Variants in TMTC4 observed in about 807,000 individuals in gnomAD.
TMTC4 encodes the protein transmembrane O-mannosyltransferase targeting cadherins 4.
Under a neutral mutation model 86.0 loss-of-function variants are expected in TMTC4, and 65 were observed. The ratio of observed to expected loss-of-function variants is 0.76; its 90% CI spans 0.62 to 0.93. The LOEUF (loss-of-function observed/expected upper bound fraction) is 0.93, where lower values mean the gene tolerates loss of function less well. TMTC4 is among the 40% of genes least tolerant of loss of function. The pLI is 0.00. For synonymous variants in TMTC4, 379 were observed against 382.5 expected (o/e 0.99, Z 0.11); for missense variants, 866 against 948.1 (o/e 0.91, Z 1.14).
At chr13:100,638,060 C>T (rs763622016) in intron 7 of TMTC4, 38 bp from the exon 8 acceptor site, 2 of 1,567,256 alleles carry the variant, frequency 1.3e-6, no homozygotes, top group Non-Finnish European at 1.8e-6. Flanking sequence ...CACGGGAGAG[C>T]TTGGCTGTGT....
chr13:100,608,304 C>T (rs992456302), intron 17 of TMTC4, among the ~76,000 whole-genome samples: 2 of 152,162 alleles, frequency 1.3e-5, no homozygotes, highest in Non-Finnish European at 2.9e-5. Flanking sequence ...GTTAGAGGGC[C>T]ACTGCTGTCA....
intron 5 of TMTC4, among the ~76,000 whole-genome samples, chr13:100,659,252 CTTTT>C (rs1242948691): frequency 6.6e-6 from 1 of 152,148 alleles, no homozygotes; most frequent in Non-Finnish European, 1.5e-5. Context: ...AGACAGAACT[CTTTT>C]TAAACATTTT....
intron 2 of TMTC4, 104 bp downstream of exon 2, chr13:100,670,256 C>G: frequency 7.4e-7 from 1 of 1,343,846 alleles, no homozygotes; most frequent in Non-Finnish European, 1.0e-6. Context: ...ATTATGGAAT[C>G]AATAAGAAGC....
chr13:100,641,590 C>T (rs34615072), intron 7 of TMTC4, among the ~76,000 whole-genome samples: 2 of 152,068 alleles, frequency 1.3e-5, no homozygotes, highest in African/African-American at 2.4e-5. Flanking sequence ...TGGGTTCAAG[C>T]GATTCACCTG....
intron 16 of TMTC4, among the ~76,000 whole-genome samples, chr13:100,612,967 A>G (rs1877880919): frequency 6.6e-6 from 1 of 152,194 alleles, no homozygotes; most frequent in Non-Finnish European, 1.5e-5. Context: ...CATCATTAAC[A>G]TATTTTTACT....
At chr13:100,674,037 C>G (rs892612416) in intron 1 of TMTC4, 1 of 985,254 alleles carries the variant, frequency 1.0e-6, no homozygotes, top group Admixed American at 6.1e-5. Flanking sequence ...AAAACACACA[C>G]GCAGCCCATA....
At chr13:100,658,617 G>T (rs1240598616) in intron 5 of TMTC4, among the ~76,000 whole-genome samples, 1 of 152,126 alleles carries the variant, frequency 6.6e-6, no homozygotes, top group Non-Finnish European at 1.5e-5. Flanking sequence ...ACTAGGCCTA[G>T]AGGCCAGGAG....
intron 1 of TMTC4, 128 bp from the exon 2 acceptor site, chr13:100,670,697 C>T (rs1386266154): frequency 1.1e-4 from 29 of 264,190 alleles, no homozygotes; most frequent in Middle Eastern, 1.0e-3. Context: ...GCCTGTAATC[C>T]CAGCACTTTG....
Position 100,604,860 on chromosome 13 carries a change from G to T in TMTC4, c.*134C>A. 1 of 1,005,078 alleles carries T rather than the reference G, an allele frequency of 9.9e-7. No homozygotes were observed. The highest frequency in any genetic ancestry group is 1.4e-6 in the Non-Finnish European group (1 of 730,710). 62.3% of individuals were successfully genotyped at this position (1,005,078 alleles called of 1,614,324 possible). ...TGCTGGTGCTATAATCTTTTTGCATGTCTTTGTTTTCATAGAAAAAAATCA... is the reference window on the plus strand; with the variant it reads ...TGCTGGTGCTATAATCTTTTTGCATTTCTTTGTTTTCATAGAAAAAAATCA... On this transcript the variant is annotated 3_prime_UTR_variant, in exon 19 of 19. Coordinates refer to ENST00000342624, the MANE Select transcript of TMTC4 (RefSeq NM_032813.5).
chr13:100,606,039 T>C (rs571192285), intron 18 of TMTC4, among the ~76,000 whole-genome samples: 1 of 152,214 alleles, frequency 6.6e-6, no homozygotes, highest in Non-Finnish European at 1.5e-5. Context: ...ATTAATTTAC[T>C]AGGAGAACTC....
At chr13:100,612,290 G>T in intron 17 of TMTC4, 108 bp downstream of exon 17, 1 of 834,376 alleles carries the variant, frequency 1.2e-6, no homozygotes, top group Non-Finnish European at 1.9e-6. Context: ...GTGCACCACT[G>T]CCACTGTTTT....
intron 6 of TMTC4, among the ~76,000 whole-genome samples, chr13:100,654,102 A>G (rs1389660670): frequency 6.6e-6 from 1 of 152,236 alleles, no homozygotes; most frequent in Admixed American, 6.5e-5. Context: ...AGAGGTCAAC[A>G]GAAAGCATTC....
intron 15 of TMTC4, among the ~76,000 whole-genome samples, chr13:100,615,644 G>T (rs2138732931): frequency 1.3e-5 from 2 of 150,938 alleles, no homozygotes; most frequent in Middle Eastern, 7.1e-3. Flanking sequence ...GTAGAGATGG[G>T]GTTTCACGAT....
Position 100,636,706 on chromosome 13 carries a change from A to G in TMTC4, c.1028T>C (p.Leu343Ser), listed in dbSNP as rs111362196. The change falls in exon 10 of 19, where the codon TTG becomes TCG. Residue 343 changes from leucine to serine, a missense_variant. Physicochemically the swap from Leu to Ser is moderately radical, Grantham distance 145. Coordinates refer to ENST00000342624, the MANE Select transcript of TMTC4 (RefSeq NM_032813.5). ...RAVNYNYYYS[L>S]NAWLLLCPWW... ...GGGACACAGCAGCAGCCAGGCATTCAATGAATAGTAGTAATTGTAGTTTAC... is the reference window on the plus strand; with the variant it reads ...GGGACACAGCAGCAGCCAGGCATTCGATGAATAGTAGTAATTGTAGTTTAC... 2 of 1,614,192 alleles carry G rather than the reference A, an allele frequency of 1.2e-6. No individual in the cohort carries two copies. The highest frequency in any genetic ancestry group is 2.2e-5 in the East Asian group (1 of 44,876).
intron 6 of TMTC4, among the ~76,000 whole-genome samples, chr13:100,649,067 T>C (rs1301688896): frequency 6.6e-6 from 1 of 152,204 alleles, no homozygotes; most frequent in Non-Finnish European, 1.5e-5. Flanking sequence ...ACTGGAAAGC[T>C]TAATTTAATA....
chr13:100,658,825 G>T (rs1400897924), intron 5 of TMTC4, among the ~76,000 whole-genome samples: 1 of 152,188 alleles, frequency 6.6e-6, no homozygotes, highest in Non-Finnish European at 1.5e-5. Flanking sequence ...TAAAGTATGG[G>T]AAGTGTTTTA....
intron 1 of TMTC4, 90 bp from the exon 2 acceptor site, chr13:100,670,659 C>T (rs1371056080): frequency 8.3e-6 from 3 of 362,972 alleles, no homozygotes; most frequent in Non-Finnish European, 1.5e-5. Context: ...TAAAAAACAA[C>T]AAATCAAGGC....
At chr13:100,628,802 T>C (rs184542337) in intron 12 of TMTC4, among the ~76,000 whole-genome samples, 2 of 152,216 alleles carry the variant, frequency 1.3e-5, no homozygotes, top group Admixed American at 1.3e-4. Context: ...AAGTGGGGAC[T>C]TGAACTAAGC....
In TMTC4 at chr13:100,635,039, T is replaced by G; in HGVS notation, c.1359A>C (p.Lys453Asn). 6.2e-7 allele frequency: 1 copy of G among 1,612,244 alleles called. No individual in the cohort carries two copies. Among genetic ancestry groups the G allele is most frequent in the South Asian group, 1.1e-5 (1 of 90,786 alleles). Residue 453 changes from lysine to asparagine, a missense_variant, in exon 11 of 19, where the codon AAA (lysine) becomes AAC (asparagine). Physicochemically the swap from Lys to Asn is moderately conservative, Grantham distance 94. Transcript: ENST00000342624. Reference protein sequence around the residue: ...LLTFGFGALSKHTKKKKLIAA... With the variant: ...LLTFGFGALSNHTKKKKLIAA... ...CAGTTGATACCTTTTTCTTGGTATGTTTGCTCAGGGCTCCGAATCCAAAAG... is the reference window on the plus strand; with the variant it reads ...CAGTTGATACCTTTTTCTTGGTATGGTTGCTCAGGGCTCCGAATCCAAAAG...
Sources: allele counts gnomAD v4.1 joint callset (sites outside exome capture counted in the v4.1 genomes callset), GRCh38; gene constraint gnomAD v4.1.1; transcripts MANE v1.5; gene names NCBI Gene and HGNC (gene_info 2026-07-23, HGNC 2026-07-21).